Variants in CDK14 observed in about 807,000 individuals in gnomAD.
CDK14 encodes cyclin dependent kinase 14, also known as cyclin-dependent kinase 14.
Under a neutral mutation model 60.7 loss-of-function variants are expected in CDK14, and 34 were observed. That is an observed-to-expected ratio of 0.56 (90% CI 0.43 to 0.75). CDK14 has a LOEUF of 0.75. CDK14 is among the 30% of genes least tolerant of loss of function. The probability of loss-of-function intolerance (pLI) is 0.00; values close to 1 mark genes in which losing one functional copy is unlikely to be tolerated. For synonymous variants in CDK14, 197 were observed against 203.7 expected (o/e 0.97, Z 0.28); for missense variants, 482 against 564.1 (o/e 0.85, Z 1.47).
chr7:91,065,670 T>C (rs1414312989), intron 11 of CDK14, among the ~76,000 whole-genome samples: 1 of 152,198 alleles, frequency 6.6e-6, no homozygotes, highest in African/African-American at 2.4e-5. Context: ...TTGTGAATAC[T>C]TGTGAGTGTA....
chr7:90,705,501 G>A (rs1801878345), intron 2 of CDK14, among the ~76,000 whole-genome samples: 1 of 151,898 alleles, frequency 6.6e-6, no homozygotes, highest in African/African-American at 2.4e-5. Flanking sequence ...ATAGCTCCAC[G>A]AAGGCTGACA....
rs561537867 is a variant in CDK14, at chr7:90,611,894, G to A, written c.123+7645G>A. On this transcript the variant is annotated intron_variant, in intron 2 of 14. Transcript: ENST00000380050. ...GTCACCCAGGCTGGAGTGCAGTGGC[G>A]CAATCTCGGCTCACTGCAACCTCCA... Among the ~76,000 whole-genome samples the A allele has an allele frequency of 1.6e-3, 242 of 148,150 alleles. 1 individual carries two copies. Among genetic ancestry groups the A allele is most frequent in the African/African-American group, 5.7e-3 (229 of 40,086 alleles).
chr7:90,850,412 A>C (rs1000564956), intron 5 of CDK14, among the ~76,000 whole-genome samples: 140 of 152,204 alleles, frequency 9.2e-4, no homozygotes, highest in Non-Finnish European at 1.9e-4. Flanking sequence ...ATAATGAGTG[A>C]GTGGGGGATA....
intron 5 of CDK14, among the ~76,000 whole-genome samples, chr7:90,811,487 A>C (rs1373280794): frequency 4.6e-5 from 7 of 152,354 alleles, no homozygotes; most frequent in South Asian, 2.1e-4. Context: ...TAAAGACTTA[A>C]ACGTTAGACC....
At chr7:90,613,703 TAAAA>T (rs1231442976) in intron 2 of CDK14, among the ~76,000 whole-genome samples, 3 of 151,152 alleles carry the variant, frequency 2.0e-5, no homozygotes, top group Non-Finnish European at 4.4e-5. Context: ...AAAAAAAAAA[TAAAA>T]AAAGACGCTG....
At chr7:90,905,766 G>A (rs559502053) in intron 7 of CDK14, among the ~76,000 whole-genome samples, 3 of 152,086 alleles carry the variant, frequency 2.0e-5, no homozygotes, top group South Asian at 4.2e-4. Flanking sequence ...TGTGACTTTC[G>A]AAACACTAAG....
chr7:90,976,998 T>C (rs922812274), intron 9 of CDK14, among the ~76,000 whole-genome samples: 1 of 152,202 alleles, frequency 6.6e-6, no homozygotes, highest in Non-Finnish European at 1.5e-5. Context: ...GTGCTTTTGA[T>C]GTCTTATTCA....
intron 14 of CDK14, among the ~76,000 whole-genome samples, chr7:91,198,401 T>C (rs1161775055): frequency 2.0e-5 from 3 of 152,202 alleles, no homozygotes; most frequent in African/African-American, 7.2e-5. Flanking sequence ...GGCTGCCCAA[T>C]TTTGGATGCA....
At chr7:91,187,687 G>T (rs1802233199) in intron 14 of CDK14, among the ~76,000 whole-genome samples, 1 of 152,198 alleles carries the variant, frequency 6.6e-6, no homozygotes, top group Non-Finnish European at 1.5e-5. Flanking sequence ...TTGCCAGAGA[G>T]AGATGGGCTC....
chr7:90,612,021 C>T (rs762415031), intron 2 of CDK14, among the ~76,000 whole-genome samples: 32 of 151,884 alleles, frequency 2.1e-4, no homozygotes, highest in South Asian at 4.2e-4. Flanking sequence ...TTAGTAGAGA[C>T]GGGGTTTCAC....
At chr7:90,975,379 A>AT (rs1420418229) in intron 9 of CDK14, among the ~76,000 whole-genome samples, 1 of 151,726 alleles carries the variant, frequency 6.6e-6, no homozygotes. Context: ...TTACATTTTC[A>AT]TTGGGTACAT....
intron 5 of CDK14, among the ~76,000 whole-genome samples, chr7:90,852,800 C>T (rs935831986): frequency 6.6e-6 from 1 of 152,126 alleles, no homozygotes; most frequent in African/African-American, 2.4e-5. Flanking sequence ...GCTCACAAGG[C>T]CACTGCTGAG....
chr7:90,845,190 C>T (rs1790427395), intron 5 of CDK14, among the ~76,000 whole-genome samples: 1 of 152,040 alleles, frequency 6.6e-6, no homozygotes, highest in Non-Finnish European at 1.5e-5. Context: ...ACTCAGTAAA[C>T]ATTTATTGAA....
Position 90,596,674 on chromosome 7 carries a change from TGAA to T in CDK14, c.52_54del (p.Lys18del), listed in dbSNP as rs1481225132. 15 of 1,612,088 alleles carry T rather than the reference TGAA, an allele frequency of 9.3e-6. No individual in the cohort carries two copies. The highest frequency in any genetic ancestry group is 2.7e-5 in the African/African-American group (2 of 74,996). ...CAGCCGGCCGAGAAGATCGGCAAGA[TGAA>T]GAAGTTGCGGAGAACTTTGTCGGAG... is the stretch of plus-strand genomic sequence containing the variant. On this transcript the variant is annotated inframe_deletion, in exon 1 of 15. Coordinates refer to ENST00000380050, the MANE Select transcript of CDK14 (RefSeq NM_001287135.2).
chr7:90,900,633 C>T (rs925024664), intron 7 of CDK14, among the ~76,000 whole-genome samples: 2 of 152,142 alleles, frequency 1.3e-5, no homozygotes, highest in East Asian at 3.9e-4. Context: ...CCACTCTATC[C>T]CTGAGAATGT....
At chr7:91,096,205 A>G (rs1013763519) in intron 12 of CDK14, among the ~76,000 whole-genome samples, 1 of 152,052 alleles carries the variant, frequency 6.6e-6, no homozygotes, top group South Asian at 2.1e-4. Context: ...TTGGTGACCA[A>G]TAGGATGTGA....
chr7:91,168,955 T>C (rs900233096), intron 14 of CDK14, among the ~76,000 whole-genome samples: 10 of 152,320 alleles, frequency 6.6e-5, no homozygotes, highest in African/African-American at 2.4e-4. Flanking sequence ...ACTCATCTGC[T>C]TCATACACAT....
At chr7:90,832,787 G>A (rs1404585360) in intron 5 of CDK14, among the ~76,000 whole-genome samples, 1 of 152,114 alleles carries the variant, frequency 6.6e-6, no homozygotes, top group East Asian at 1.9e-4. Flanking sequence ...AAGAACATAG[G>A]TCATGAAAAG....
intron 2 of CDK14, among the ~76,000 whole-genome samples, chr7:90,634,178 A>G (rs2116412782): frequency 6.6e-6 from 1 of 152,006 alleles, no homozygotes; most frequent in South Asian, 2.1e-4. Flanking sequence ...GTACATGTGC[A>G]CAATGTGCAG....
Sources: allele counts gnomAD v4.1 joint callset (sites outside exome capture counted in the v4.1 genomes callset), GRCh38; gene constraint gnomAD v4.1.1; transcripts MANE v1.5; gene names NCBI Gene and HGNC (gene_info 2026-07-23, HGNC 2026-07-21).